Variants in CPED1 observed in about 807,000 individuals in gnomAD.
The protein encoded by CPED1 is cadherin-like and PC-esterase domain-containing protein 1.
CPED1 carries 114 observed loss-of-function variants against 128.2 expected under a neutral mutation model. The ratio of observed to expected loss-of-function variants is 0.89; its 90% confidence interval spans 0.76 to 1.04. The LOEUF is 1.04. CPED1 is among the 50% of genes least tolerant of loss of function. The pLI is 0.00. For synonymous variants in CPED1, 462 were observed against 426.7 expected (o/e 1.08, Z -1.02); for missense variants, 1,211 against 1,207.1 (o/e 1.00, Z -0.05).
In CPED1 at chr7:121,190,374, A is replaced by G. The variant is rs147889084; in HGVS notation, c.2056-46340A>G. On this transcript the variant is annotated intron_variant, in intron 16 of 22. Transcript: ENST00000310396. Reference sequence around the variant, plus strand: ...GCCACTGTACTCCAGCCTAGGTGACAGAGCGAGACTCTGTATCAAAAAAAA... The same window carrying G: ...GCCACTGTACTCCAGCCTAGGTGACGGAGCGAGACTCTGTATCAAAAAAAA... Among the ~76,000 whole-genome samples the G allele has an allele frequency of 6.1e-3, 869 of 143,036 alleles. 7 individuals carry two copies. Among genetic ancestry groups the G allele is most frequent in the Non-Finnish European group, 0.011 (703 of 66,236 alleles). The allele number at this position is 143,036 out of a possible 152,430, so 93.8% of individuals were successfully genotyped here. A position where few individuals can be genotyped will look rare whatever the true frequency, so the allele number is the denominator to read the frequency against.
At chr7:121,130,380 C>A in intron 12 of CPED1, 86 bp downstream of exon 12, 12 of 1,085,788 alleles carry the variant, frequency 1.1e-5, no homozygotes, top group Non-Finnish European at 1.3e-6. Flanking sequence ...TATGTTAAAG[C>A]AAGCAGCAAC....
intron 16 of CPED1, among the ~76,000 whole-genome samples, chr7:121,225,379 A>T (rs1768620842): frequency 6.6e-6 from 1 of 152,098 alleles, no homozygotes; most frequent in Non-Finnish European, 1.5e-5. Context: ...CTTTGTGGGT[A>T]ACCTGACCTT....
chr7:121,243,857 T>G (rs7805374), intron 17 of CPED1, among the ~76,000 whole-genome samples: 63,723 of 151,990 alleles, frequency 0.42, 13,807 homozygotes, highest in Middle Eastern at 0.53. Flanking sequence ...TGCCAATTTG[T>G]GGGGCTCCCA....
chr7:121,071,471 T>G (rs752258235), intron 5 of CPED1, among the ~76,000 whole-genome samples: 8 of 152,124 alleles, frequency 5.3e-5, no homozygotes, highest in Non-Finnish European at 7.4e-5. Flanking sequence ...TCTCTGGTAT[T>G]AGCAGGGATT....
chr7:121,173,036 A>G (rs761737073), intron 16 of CPED1, among the ~76,000 whole-genome samples: 4 of 152,168 alleles, frequency 2.6e-5, no homozygotes, highest in Non-Finnish European at 4.4e-5. Flanking sequence ...CAACATCCTT[A>G]AAGGCAGAGA....
At chr7:121,186,851 A>C (rs563626190) in intron 16 of CPED1, among the ~76,000 whole-genome samples, 31 of 152,304 alleles carry the variant, frequency 2.0e-4, no homozygotes, top group African/African-American at 7.5e-4. Flanking sequence ...GAGGGTCAAA[A>C]TCCAGGATAT....
At chr7:121,067,062 C>T (rs763480252) in intron 5 of CPED1, among the ~76,000 whole-genome samples, 1 of 151,818 alleles carries the variant, frequency 6.6e-6, no homozygotes, top group Admixed American at 6.6e-5. Context: ...CTGGGGGGCA[C>T]AGGGGGTGGG....
At chr7:121,171,553 A>T (rs543035102) in intron 16 of CPED1, among the ~76,000 whole-genome samples, 1 of 152,266 alleles carries the variant, frequency 6.6e-6, no homozygotes, top group Admixed American at 6.5e-5. Flanking sequence ...CAGCCCCAAC[A>T]TCTCCTGAGC....
intron 7 of CPED1, among the ~76,000 whole-genome samples, chr7:121,121,226 T>C (rs1304135586): frequency 6.6e-6 from 1 of 152,178 alleles, no homozygotes; most frequent in African/African-American, 2.4e-5. Context: ...TCCAAGTTTT[T>C]CTATATACTT....
chr7:121,111,198 T>C (rs1795098412), intron 7 of CPED1, among the ~76,000 whole-genome samples: 1 of 152,218 alleles, frequency 6.6e-6, no homozygotes, highest in Admixed American at 6.5e-5. Context: ...TTGGTTGCTC[T>C]GTAACCTGAC....
chr7:121,154,535 T>G (rs1454406151), intron 16 of CPED1, among the ~76,000 whole-genome samples: 1 of 151,532 alleles, frequency 6.6e-6, no homozygotes, highest in South Asian at 2.1e-4. Context: ...TATTTTATTT[T>G]TATTATTTAT....
intron 4 of CPED1, chr7:121,062,905 T>C (rs990871785): frequency 2.0e-5 from 3 of 152,208 alleles, no homozygotes; most frequent in Admixed American, 6.5e-5. Flanking sequence ...AGGTATGCTT[T>C]TCACTTTCTG....
At chr7:121,194,858 T>C (rs1438417365) in intron 16 of CPED1, 1 of 152,118 alleles carries the variant, frequency 6.6e-6, no homozygotes, top group Non-Finnish European at 1.5e-5. Context: ...AGCCTCGGCC[T>C]TCAGGGCTCA....
At chr7:121,292,282 A>T (rs1172524474) in intron 22 of CPED1, among the ~76,000 whole-genome samples, 1 of 151,446 alleles carries the variant, frequency 6.6e-6, no homozygotes, top group African/African-American at 2.4e-5. Flanking sequence ...AATCTCTGAT[A>T]TGCTTTCTTC....
At chr7:121,141,215 A>G (rs1795894354) in intron 15 of CPED1, among the ~76,000 whole-genome samples, 1 of 152,066 alleles carries the variant, frequency 6.6e-6, no homozygotes, top group African/African-American at 2.4e-5. Flanking sequence ...TTAACAAGAA[A>G]GGATCTTGTT....
At chr7:121,180,535 G>A (rs1216189710) in intron 16 of CPED1, among the ~76,000 whole-genome samples, 4 of 151,790 alleles carry the variant, frequency 2.6e-5, no homozygotes, top group Non-Finnish European at 4.4e-5. Context: ...CTAGAATTAC[G>A]TGATACATTA....
chr7:121,127,169 A>G lies in CPED1; in HGVS notation c.1214A>G (p.Asp405Gly). 1.3e-6 allele frequency: 2 copies of G among 1,594,204 alleles called. No homozygotes were observed. Among genetic ancestry groups the G allele is most frequent in the Non-Finnish European group, 1.7e-6 (2 of 1,163,944 alleles). The change falls in exon 10 of 23, where the codon GAC becomes GGC. Residue 405 changes from aspartate to glycine, a missense_variant. Asp to Gly is a moderately conservative substitution (Grantham distance 94). Coordinates refer to ENST00000310396, the MANE Select transcript of CPED1 (RefSeq NM_024913.5). ...DQNTEEFLLNDTFNFLFPNES... is the reference protein window; with the variant it reads ...DQNTEEFLLNGTFNFLFPNES... ...AATACAGAAGAATTCCTTTTAAATGACACTTTCAATTTTCTCTTCCCTAAT... is the reference window on the plus strand; with the variant it reads ...AATACAGAAGAATTCCTTTTAAATGGCACTTTCAATTTTCTCTTCCCTAAT...
At chr7:121,019,440 G>A (rs959748499) in intron 3 of CPED1, among the ~76,000 whole-genome samples, 1 of 151,966 alleles carries the variant, frequency 6.6e-6, no homozygotes, top group Non-Finnish European at 1.5e-5. Flanking sequence ...CAGAGAAAGC[G>A]ACCCAGGATT....
In CPED1 at chr7:120,989,425, T is replaced by TTTAAAAG. The variant is rs1796272220; in HGVS notation, c.-197_-196insTTAAAAG. ...TTTTGACTGTCATCCATGGAAGAGC[T>TTTAAAAG]CTTATTAAAAGCCTCAGACTTTCGG... is the stretch of plus-strand genomic sequence containing the variant. On this transcript the variant is annotated 5_prime_UTR_variant, in exon 2 of 23. An upstream open reading frame in the 5' UTR loses its in-frame stop. Transcript: ENST00000310396. 1.7e-6 allele frequency: 1 copy of TTTAAAAG among 604,796 alleles called. No individual in the cohort carries two copies. The highest frequency in any genetic ancestry group is 1.9e-5 in the African/African-American group (1 of 53,816). 37.5% of individuals were successfully genotyped at this position (604,796 alleles called of 1,614,324 possible).
Sources: gnomAD v4.1 joint callset for allele counts (sites outside exome capture counted in the v4.1 genomes callset) on GRCh38, gnomAD v4.1.1 for gene constraint, MANE v1.5 for transcripts, NCBI Gene and HGNC (gene_info 2026-07-23, HGNC 2026-07-21) for gene names.